GRM7: variants seen among roughly 807,000 people sequenced by gnomAD.
GRM7 encodes the protein metabotropic glutamate receptor 7.
Under a neutral mutation model 84.5 loss-of-function variants are expected in GRM7, and 35 were observed. That is an observed-to-expected ratio of 0.41 (90% CI 0.32 to 0.55). GRM7 has a LOEUF of 0.55. GRM7 is among the 20% of genes least tolerant of loss of function. GRM7 has a pLI of 0.19. For synonymous variants in GRM7, 487 were observed against 455.1 expected (o/e 1.07, Z -0.89); for missense variants, 1,003 against 1,194.6 (o/e 0.84, Z 2.36).
Position 7,342,075 on chromosome 3 carries a change from T to C in GRM7, c.1033+35423T>C, listed in dbSNP as rs372586486. 1.2e-4 allele frequency among the ~76,000 whole-genome samples: 18 copies of C among 152,286 alleles called. No individual in the cohort carries two copies. In the South Asian group the frequency reaches 3.7e-3, roughly 32 times the overall value. ...TAACAGACACAGCATTCCATTCATG[T>C]GCACCATTCTCTAGAATTCATAGCT... On this transcript the variant is annotated intron_variant, in intron 4 of 9. Coordinates refer to ENST00000357716, the MANE Select transcript of GRM7 (RefSeq NM_000844.4).
At chr3:7,349,243 C>T (rs934626603) in intron 4 of GRM7, among the ~76,000 whole-genome samples, 1 of 152,046 alleles carries the variant, frequency 6.6e-6, no homozygotes, top group South Asian at 2.1e-4. Flanking sequence ...ATTTTACTTA[C>T]TTACAGCTTG....
intron 1 of GRM7, among the ~76,000 whole-genome samples, chr3:7,024,800 T>A (rs1343660181): frequency 6.6e-6 from 1 of 152,214 alleles, no homozygotes; most frequent in Admixed American, 6.5e-5. Context: ...AAAACTCACC[T>A]GGTTAAATTG....
chr3:7,632,078 C>T (rs1468113714), intron 8 of GRM7, among the ~76,000 whole-genome samples: 1 of 152,130 alleles, frequency 6.6e-6, no homozygotes, highest in African/African-American at 2.4e-5. Flanking sequence ...TGAAGGAGGA[C>T]AGAGTTTGAT....
intron 3 of GRM7, among the ~76,000 whole-genome samples, chr3:7,301,466 T>G (rs1330462938): frequency 6.6e-6 from 1 of 152,210 alleles, no homozygotes; most frequent in Non-Finnish European, 1.5e-5. Flanking sequence ...TTGCTAAATA[T>G]GTAATACCTT....
intron 2 of GRM7, among the ~76,000 whole-genome samples, chr3:7,263,322 C>T (rs1698509068): frequency 6.6e-6 from 1 of 152,170 alleles, no homozygotes; most frequent in Non-Finnish European, 1.5e-5. Context: ...TGCAACAGGA[C>T]CACTGGTCAC....
chr3:6,990,772 C>G (rs1694605708), intron 1 of GRM7, among the ~76,000 whole-genome samples: 1 of 152,184 alleles, frequency 6.6e-6, no homozygotes, highest in South Asian at 2.1e-4. Flanking sequence ...TTCCTCCTTT[C>G]CTAGTGAGAT....
At chr3:6,993,346 A>G (rs1217870495) in intron 1 of GRM7, among the ~76,000 whole-genome samples, 1 of 152,208 alleles carries the variant, frequency 6.6e-6, no homozygotes, top group African/African-American at 2.4e-5. Flanking sequence ...TGGAGGTATC[A>G]AAAAGGAGCA....
chr3:6,967,274 C>T (rs1365522605), intron 1 of GRM7, among the ~76,000 whole-genome samples: 1 of 152,116 alleles, frequency 6.6e-6, no homozygotes, highest in African/African-American at 2.4e-5. Context: ...CTCACTGCAG[C>T]CACAAACTCC....
chr3:6,918,509 A>G (rs1482129811), intron 1 of GRM7, among the ~76,000 whole-genome samples: 1 of 152,156 alleles, frequency 6.6e-6, no homozygotes, highest in Non-Finnish European at 1.5e-5. Context: ...GTATCCTTGG[A>G]GAAAGTTTCT....
At chr3:7,442,455 C>T (rs1423089497) in intron 5 of GRM7, among the ~76,000 whole-genome samples, 1 of 152,160 alleles carries the variant, frequency 6.6e-6, no homozygotes, top group Non-Finnish European at 1.5e-5. Flanking sequence ...TTGTTTCTTT[C>T]TCTTGCCTGA....
At chr3:7,155,524 CTCCAA>C (rs1185664033) in intron 2 of GRM7, among the ~76,000 whole-genome samples, 1 of 152,040 alleles carries the variant, frequency 6.6e-6, no homozygotes, top group Non-Finnish European at 1.5e-5. Flanking sequence ...CAAGTAGATA[CTCCAA>C]TCCAAGAAAC....
intron 1 of GRM7, among the ~76,000 whole-genome samples, chr3:7,136,753 A>C (rs747275147): frequency 2.6e-5 from 4 of 152,226 alleles, no homozygotes; most frequent in Middle Eastern, 3.4e-3. Flanking sequence ...TTCAATGAAT[A>C]CTGATCCGTT....
At chr3:7,088,872 C>G (rs1698558197) in intron 1 of GRM7, among the ~76,000 whole-genome samples, 1 of 151,686 alleles carries the variant, frequency 6.6e-6, no homozygotes, top group South Asian at 2.1e-4. Context: ...TCTAAATAGT[C>G]TAAACTGACT....
At chr3:7,019,090 T>G (rs1321585706) in intron 1 of GRM7, among the ~76,000 whole-genome samples, 4 of 152,184 alleles carry the variant, frequency 2.6e-5, no homozygotes, top group African/African-American at 7.2e-5. Flanking sequence ...AGAGGAAGAC[T>G]CCATCTCAGA....
chr3:7,632,401 A>G lies in GRM7; in HGVS notation c.2452-47648A>G, dbSNP rs533644964. Among the ~76,000 whole-genome samples the G allele has an allele frequency of 7.2e-5, 11 of 152,308 alleles. 1 individual carries two copies. In the East Asian group the frequency reaches 2.1e-3, roughly 29 times the overall value. Reference sequence around the variant, plus strand: ...ACCCTTAGGGGAACACAAAAAGTAAAGGAATAAAGAATAATGTTGAAGAGC... The same window carrying G: ...ACCCTTAGGGGAACACAAAAAGTAAGGGAATAAAGAATAATGTTGAAGAGC... On this transcript the variant is annotated intron_variant, in intron 8 of 9. Transcript: ENST00000357716.
intron 2 of GRM7, among the ~76,000 whole-genome samples, chr3:7,234,964 T>A (rs1475539807): frequency 6.6e-6 from 1 of 152,224 alleles, no homozygotes; most frequent in Non-Finnish European, 1.5e-5. Flanking sequence ...TCATCCATCG[T>A]TTTCTTGCCT....
intron 4 of GRM7, among the ~76,000 whole-genome samples, chr3:7,361,041 G>A (rs1249550086): frequency 6.6e-6 from 1 of 152,034 alleles, no homozygotes; most frequent in Non-Finnish European, 1.5e-5. Context: ...TAAAAAGAAA[G>A]TCCCTTTGAA....
At chr3:7,338,557 A>G (rs1413835069) in intron 4 of GRM7, among the ~76,000 whole-genome samples, 3 of 152,116 alleles carry the variant, frequency 2.0e-5, no homozygotes, top group African/African-American at 7.2e-5. Flanking sequence ...CTCTTACATG[A>G]ATCGTTAAGT....
chr3:7,689,119 G>A (rs1305754351), intron 9 of GRM7, among the ~76,000 whole-genome samples: 1 of 152,306 alleles, frequency 6.6e-6, no homozygotes, highest in Middle Eastern at 3.4e-3. Context: ...AATAAGTTTT[G>A]TTAGGAGGTA....
Sources: allele counts gnomAD v4.1 joint callset (sites outside exome capture counted in the v4.1 genomes callset), GRCh38; gene constraint gnomAD v4.1.1; transcripts MANE v1.5; gene names NCBI Gene and HGNC (gene_info 2026-07-23, HGNC 2026-07-21).